SVIL: variants seen among roughly 807,000 people sequenced by gnomAD.
SVIL encodes the protein supervillin.
A neutral mutation model predicts 240.4 loss-of-function variants in SVIL; 101 were observed. The observed-to-expected ratio is 0.42, with a 90% confidence interval of 0.36 to 0.50. The LOEUF (loss-of-function observed/expected upper bound fraction) is 0.50. SVIL is among the 20% of genes least tolerant of loss of function. The probability of loss-of-function intolerance (pLI) is 0.01; values close to 1 mark genes in which losing one functional copy is unlikely to be tolerated. For synonymous variants in SVIL, 999 were observed against 1,100.0 expected, an observed-to-expected ratio of 0.91 and a Z score of 1.82; for missense variants, 2,512 against 2,818.7, an observed-to-expected ratio of 0.89 and a Z score of 2.46.
rs747657233 is a variant in SVIL, at chr10:29,487,268, T to C, written c.4380A>G (p.Glu1460=). 1.2e-6 allele frequency: 2 copies of C among 1,614,096 alleles called. No homozygotes were observed. The highest frequency in any genetic ancestry group is 1.7e-6 in the Non-Finnish European group (2 of 1,180,004). The change falls in exon 24 of 38, where the codon GAA becomes GAG. Residue 1460 remains glutamate, a synonymous_variant. Transcript: ENST00000355867. ...CACTGTTGAGCGCCGAAGCTCGAGG[T>C]TCCACCAGCCTGGTCTGCACATGTC... ...GRRHVQTRLV[E]PRASALNSGD...
intron 1 of SVIL, among the ~76,000 whole-genome samples, chr10:29,729,034 G>C (rs1036950651): frequency 1.3e-5 from 2 of 152,144 alleles, no homozygotes; most frequent in African/African-American, 4.8e-5. Flanking sequence ...TGGGGGTGAG[G>C]GGCGGTGTTA....
At chr10:29,609,713 A>G (rs1247437) in intron 1 of SVIL, among the ~76,000 whole-genome samples, 63,934 of 152,126 alleles carry the variant, frequency 0.42, 13,630 homozygotes, top group African/African-American at 0.46. Flanking sequence ...TGGTCCAGCC[A>G]CAGCCTCAAA....
Position 29,465,721 on chromosome 10 carries a change from G to A in SVIL, c.6007C>T (p.Leu2003=). Residue 2003 remains leucine, a synonymous_variant, in exon 34 of 38, where the codon CTG becomes TTG. Transcript: ENST00000355867. ...CCAGAGGAGCTGCTGAGGATGAACAGGCGGGGCGCGAAGTTAAAACTTCCA... is the reference window on the plus strand; with the variant it reads ...CCAGAGGAGCTGCTGAGGATGAACAAGCGGGGCGCGAAGTTAAAACTTCCA... ...DPGSFNFAPR[L]FILSSSSGDF... The A allele has an allele frequency of 6.2e-7, 1 of 1,612,732 alleles. No homozygotes were observed. The highest frequency in any genetic ancestry group is 1.1e-5 in the South Asian group (1 of 91,018).
chr10:29,606,831 G>T (rs754287147), intron 1 of SVIL, among the ~76,000 whole-genome samples: 20 of 152,150 alleles, frequency 1.3e-4, no homozygotes, highest in Middle Eastern at 3.4e-3. Flanking sequence ...CTCAGCTCAT[G>T]GCAACCTCTG....
chr10:29,696,142 C>T (rs1162670879), intron 1 of SVIL, among the ~76,000 whole-genome samples: 2 of 151,740 alleles, frequency 1.3e-5, no homozygotes, highest in East Asian at 2.0e-4. Context: ...TTGGTGGGGA[C>T]GGGGTTTCGC....
At chr10:29,644,068 T>A (rs1374113159) in intron 3 of SVIL, 1 of 508,250 alleles carries the variant, frequency 2.0e-6, no homozygotes, top group East Asian at 5.6e-5. Context: ...GGCCACTAGA[T>A]ATCTAAAAAT....
At chr10:29,660,298 C>A (rs1238669353) in intron 2 of SVIL, among the ~76,000 whole-genome samples, 4 of 151,926 alleles carry the variant, frequency 2.6e-5, no homozygotes, top group African/African-American at 9.7e-5. Context: ...AACAAAGCAA[C>A]ACCTTGCTTG....
intron 30 of SVIL, among the ~76,000 whole-genome samples, chr10:29,472,240 C>G (rs1945665959): frequency 6.6e-6 from 1 of 152,220 alleles, no homozygotes; most frequent in African/African-American, 2.4e-5. Context: ...AAAGCATATT[C>G]ATTCATGGCC....
chr10:29,667,856 C>CAA lies in SVIL; in HGVS notation c.-300-9790_-300-9789dup, dbSNP rs11288258. ...GGTGACACAGCAAGACCCTGTCTCT[C>CAA]AAAAAAAAAAAAAATAAGCTGTACA... On this transcript the variant is annotated intron_variant, in intron 2 of 35. Transcript: ENST00000375400. 3.4e-3 allele frequency among the ~76,000 whole-genome samples: 443 copies of CAA among 130,078 alleles called. 2 individuals carry two copies. The highest frequency in any genetic ancestry group is 0.012 in the South Asian group (51 of 4,118). 85.3% of individuals were successfully genotyped at this position (130,078 alleles called of 152,430 possible). A position where few individuals can be genotyped will look rare whatever the true frequency, so the allele number is the denominator to read the frequency against.
intron 5 of SVIL, among the ~76,000 whole-genome samples, chr10:29,553,465 C>T (rs181795462): frequency 1.3e-5 from 2 of 152,236 alleles, no homozygotes; most frequent in African/African-American, 4.8e-5. Context: ...CCTGTAATCC[C>T]AGCTACTCCA....
intron 6 of SVIL, among the ~76,000 whole-genome samples, 181 bp downstream of exon 6, chr10:29,550,416 T>C (rs984909787): frequency 6.7e-6 from 1 of 149,232 alleles, no homozygotes; most frequent in African/African-American, 2.5e-5. Context: ...CCCTCCAGCC[T>C]GGGCAACAGA....
chr10:29,692,580 C>T (rs752914273), intron 1 of SVIL, among the ~76,000 whole-genome samples: 5 of 151,558 alleles, frequency 3.3e-5, no homozygotes, highest in Non-Finnish European at 7.4e-5. Flanking sequence ...CAATAACATT[C>T]TACTTTCTCT....
chr10:29,652,880 C>G (rs1156849325), intron 3 of SVIL, among the ~76,000 whole-genome samples: 1 of 152,044 alleles, frequency 6.6e-6, no homozygotes, highest in Non-Finnish European at 1.5e-5. Flanking sequence ...CTTTTTTAAT[C>G]AAATTATCTT....
At chr10:29,607,581 T>G (rs1003834705) in intron 1 of SVIL, among the ~76,000 whole-genome samples, 1 of 152,234 alleles carries the variant, frequency 6.6e-6, no homozygotes, top group Admixed American at 6.5e-5. Context: ...TCATGTTAAG[T>G]TATTCCCTGG....
At chr10:29,658,625 G>A (rs1959073476) in intron 2 of SVIL, among the ~76,000 whole-genome samples, 1 of 152,142 alleles carries the variant, frequency 6.6e-6, no homozygotes, top group South Asian at 2.1e-4. Flanking sequence ...GCGTGGAGGT[G>A]TGCTCCTGTG....
chr10:29,509,360 A>AGAGAG (rs1564541396), intron 17 of SVIL, among the ~76,000 whole-genome samples: 3 of 131,860 alleles, frequency 2.3e-5, no homozygotes, highest in Non-Finnish European at 3.3e-5. Flanking sequence ...AGAGAGAGAG[A>AGAGAG]GAGAGAGAGA....
intron 20 of SVIL, among the ~76,000 whole-genome samples, chr10:29,494,662 A>T (rs1251909143): frequency 1.3e-5 from 2 of 152,344 alleles, no homozygotes; most frequent in East Asian, 3.9e-4. Context: ...CCGACACATA[A>T]TAATCTGCTT....
At chr10:29,672,828 G>GA (rs1278136300) in intron 2 of SVIL, among the ~76,000 whole-genome samples, 3 of 151,704 alleles carry the variant, frequency 2.0e-5, no homozygotes, top group Non-Finnish European at 1.5e-5. Context: ...GCTTCCTCTG[G>GA]AAAAAATTCC....
intron 3 of SVIL, among the ~76,000 whole-genome samples, chr10:29,558,123 G>A (rs1954108079): frequency 6.6e-6 from 1 of 152,140 alleles, no homozygotes; most frequent in African/African-American, 2.4e-5. Flanking sequence ...CTGTGCCTTA[G>A]ACACCCAGGC....
Sources: gnomAD v4.1 joint callset for allele counts (sites outside exome capture counted in the v4.1 genomes callset) on GRCh38, gnomAD v4.1.1 for gene constraint, MANE v1.5 for transcripts, NCBI Gene and HGNC (gene_info 2026-07-23, HGNC 2026-07-21) for gene names.